The following TARS3 variants were observed in gnomAD, a reference collection of about 807,000 sequenced individuals.
TARS3 encodes the protein threonine--tRNA ligase 2, cytoplasmic.
Under a neutral mutation model 103.5 loss-of-function variants are expected in TARS3, and 94 were observed. The ratio of observed to expected loss-of-function variants is 0.91; its 90% CI spans 0.77 to 1.08. The LOEUF (loss-of-function observed/expected upper bound fraction) is 1.08, where lower values mean the gene tolerates loss of function less well. Ranked by LOEUF, TARS3 falls within the 50% of genes least tolerant of loss-of-function variation. The probability of loss-of-function intolerance (pLI) is 0.00; values close to 1 mark genes in which losing one functional copy is unlikely to be tolerated. For missense variants in TARS3, 952 were observed against 995.2 expected (o/e 0.96, Z 0.58); for synonymous variants, 416 against 355.4 (o/e 1.17, Z -1.92).
intron 15 of TARS3, among the ~76,000 whole-genome samples, chr15:101,669,260 T>C (rs1364426042): frequency 6.6e-6 from 1 of 152,158 alleles, no homozygotes; most frequent in African/African-American, 2.4e-5. Flanking sequence ...AATAGAAAAA[T>C]GTTTATAGAA....
intron 2 of TARS3, among the ~76,000 whole-genome samples, chr15:101,722,432 A>G (rs1053449174): frequency 1.3e-4 from 19 of 151,482 alleles, no homozygotes; most frequent in Admixed American, 1.2e-3. Flanking sequence ...ACTCCTACCA[A>G]ATGTTGATGC....
At chr15:101,661,635 A>T (rs1327615164) in intron 16 of TARS3, 77 bp downstream of exon 16, 3 of 941,036 alleles carry the variant, frequency 3.2e-6, no homozygotes, top group African/African-American at 1.7e-5. Flanking sequence ...AAATATTTTT[A>T]AAAAGGAAAA....
chr15:101,656,117 T>C (rs953033035), intron 18 of TARS3: 5 of 1,188,174 alleles, frequency 4.2e-6, no homozygotes, highest in South Asian at 3.8e-5. Flanking sequence ...CTGGTGAGGG[T>C]TGAGCTCCTG....
chr15:101,713,528 G>A (rs1899969846), intron 4 of TARS3, among the ~76,000 whole-genome samples: 1 of 43,924 alleles, frequency 2.3e-5, no homozygotes, highest in Non-Finnish European at 5.6e-5. Context: ...CGGATTCTCA[G>A]GCAGTGGCAA....
rs1428140792 is a variant in TARS3 at position 101,724,157 on chromosome 15, C to T, written c.231G>A (p.Glu77=). The T allele has an allele frequency of 6.8e-7, 1 of 1,476,086 alleles. No homozygotes were observed. The highest frequency in any genetic ancestry group is 1.3e-5 in the South Asian group (1 of 77,646). 91.4% of individuals were successfully genotyped at this position (1,476,086 alleles called of 1,614,324 possible). ...RLCSLRLCLA[E]ERSRQATLES... is the part of the protein sequence containing the mutation. ...CCAGCGTGGCCTGGCGGCTCCGCTC[C>T]TCGGCGAGGCACAGCCGCAGGCTGC... Residue 77 remains glutamate (E), a synonymous_variant, in exon 1 of 19, where the codon GAG becomes GAA. Transcript: ENST00000335968.
intron 10 of TARS3, among the ~76,000 whole-genome samples, chr15:101,697,931 A>T (rs1899059955): frequency 6.6e-6 from 1 of 152,136 alleles, no homozygotes; most frequent in African/African-American, 2.4e-5. Flanking sequence ...ATAGAAAAGG[A>T]CTCGCAAAGT....
intron 18 of TARS3, 144 bp from the exon 19 acceptor site, chr15:101,654,874 A>G: frequency 1.3e-6 from 1 of 799,948 alleles, no homozygotes; most frequent in Non-Finnish European, 2.0e-6. Context: ...ATCCTCTGAT[A>G]GTTAAGTTTC....
At chr15:101,656,599 C>A (rs2141377126) in intron 18 of TARS3, among the ~76,000 whole-genome samples, 1 of 152,230 alleles carries the variant, frequency 6.6e-6, no homozygotes, top group Non-Finnish European at 1.5e-5. Context: ...TATTACAGGC[C>A]TGTGAGGCTG....
intron 10 of TARS3, chr15:101,696,173 G>A (rs975535350): frequency 7.6e-6 from 1 of 131,958 alleles, no homozygotes; most frequent in Admixed American, 8.6e-5. Context: ...ATCGCGTCAC[G>A]GCACTCCAGC....
At chr15:101,713,538 A>ATGGAGAGGTAGAGAAG (rs140520700) in intron 4 of TARS3, among the ~76,000 whole-genome samples, 2 of 151,958 alleles carry the variant, frequency 1.3e-5, no homozygotes, top group Admixed American at 1.3e-4. Flanking sequence ...GGCAGTGGCA[A>ATGGAGAGGTAGAGAAG]TGGACAGATT....
intron 16 of TARS3, among the ~76,000 whole-genome samples, chr15:101,660,713 G>A (rs956028678): frequency 1.3e-5 from 2 of 152,206 alleles, no homozygotes; most frequent in Non-Finnish European, 2.9e-5. Context: ...ATGGCAACCT[G>A]AATTCTCAGA....
intron 13 of TARS3, among the ~76,000 whole-genome samples, chr15:101,673,322 C>T (rs370699429): frequency 3.9e-5 from 6 of 152,320 alleles, no homozygotes; most frequent in East Asian, 3.9e-4. Flanking sequence ...CCCTTTTCAG[C>T]TCCCCACACC....
intron 15 of TARS3, chr15:101,664,567 C>A (rs1055283007): frequency 6.6e-6 from 1 of 152,198 alleles, no homozygotes; most frequent in African/African-American, 2.4e-5. Context: ...GATAACTGAA[C>A]TGACACCGAA....
intron 15 of TARS3, among the ~76,000 whole-genome samples, chr15:101,663,894 G>A (rs1897477282): frequency 6.6e-6 from 1 of 152,140 alleles, no homozygotes; most frequent in African/African-American, 2.4e-5. Context: ...TCGTGATAAG[G>A]AAATTTCTGT....
intron 10 of TARS3, among the ~76,000 whole-genome samples, chr15:101,691,577 G>A (rs1898726246): frequency 6.6e-6 from 1 of 152,154 alleles, no homozygotes; most frequent in African/African-American, 2.4e-5. Context: ...ACTATGCCCA[G>A]CCTTTTAAAT....
At chr15:101,677,611 G>C (rs747486732) in intron 12 of TARS3, among the ~76,000 whole-genome samples, 20 of 151,730 alleles carry the variant, frequency 1.3e-4, no homozygotes, top group Non-Finnish European at 2.4e-4. Flanking sequence ...CAATTCTCCT[G>C]TCTCAGCCTC....
intron 1 of TARS3, 98 bp downstream of exon 1, chr15:101,723,993 C>A: frequency 8.7e-7 from 1 of 1,146,068 alleles, no homozygotes; most frequent in Non-Finnish European, 1.1e-6. Context: ...TCCCCCGGGG[C>A]GCCCCCGCAC....
rs911237409 is a variant in TARS3, at chr15:101,709,817, C to T, written c.813-907G>A. On this transcript the variant is annotated intron_variant, in intron 5 of 18. Transcript: ENST00000335968. ...TGGAGCCATGTTAACAAGAGATGAA[C>T]GGGATGTGATACTGTGATACAGTAA... Among the ~76,000 whole-genome samples, 9 of 152,310 alleles carry T rather than the reference C, an allele frequency of 5.9e-5. No homozygotes were observed. In the East Asian group the frequency reaches 9.6e-4, roughly 16 times the overall value.
At chr15:101,695,064 A>G (rs1192161129) in intron 10 of TARS3, among the ~76,000 whole-genome samples, 1 of 152,254 alleles carries the variant, frequency 6.6e-6, no homozygotes, top group East Asian at 1.9e-4. Flanking sequence ...ACTTAAAAAT[A>G]GTTAAAATGG....
Sources: allele counts gnomAD v4.1 joint callset (sites outside exome capture counted in the v4.1 genomes callset), GRCh38; gene constraint gnomAD v4.1.1; transcripts MANE v1.5; gene names NCBI Gene and HGNC (gene_info 2026-07-23, HGNC 2026-07-21).